DPP10: variants seen among roughly 807,000 people sequenced by gnomAD.
DPP10 encodes the protein inactive dipeptidyl peptidase 10.
Under a neutral mutation model 120.9 loss-of-function variants are expected in DPP10, and 33 were observed. The observed-to-expected ratio is 0.27, with a 90% CI of 0.21 to 0.37. The LOEUF (loss-of-function observed/expected upper bound fraction) is 0.37. DPP10 is among the 10% of genes least tolerant of loss of function. DPP10 has a pLI of 1.00. For missense variants in DPP10, 816 were observed against 942.8 expected, an observed-to-expected ratio of 0.87 and a Z score of 1.76; for synonymous variants, 337 against 326.1, an observed-to-expected ratio of 1.03 and a Z score of -0.36.
At chr2:114,724,578 G>A (rs865952400) in intron 1 of DPP10, among the ~76,000 whole-genome samples, 8 of 152,144 alleles carry the variant, frequency 5.3e-5, no homozygotes, top group Admixed American at 6.5e-5. Context: ...ACATGCACAA[G>A]GGGTAAACAT....
intron 7 of DPP10, among the ~76,000 whole-genome samples, chr2:115,713,401 A>G (rs551042617): frequency 6.6e-6 from 1 of 152,286 alleles, no homozygotes; most frequent in East Asian, 1.9e-4. Flanking sequence ...GGATTATTGA[A>G]CATTATTATG....
At chr2:114,492,362 A>G (rs1682080722) in intron 1 of DPP10, among the ~76,000 whole-genome samples, 1 of 152,130 alleles carries the variant, frequency 6.6e-6, no homozygotes, top group Admixed American at 6.5e-5. Flanking sequence ...CATTAAGGTT[A>G]GGTTATCAAT....
chr2:114,624,422 A>C (rs1189680740), intron 1 of DPP10, among the ~76,000 whole-genome samples: 1 of 151,988 alleles, frequency 6.6e-6, no homozygotes, highest in Non-Finnish European at 1.5e-5. Flanking sequence ...AATTAGTTTT[A>C]AAGTTGCCCC....
At chr2:115,830,038 T>G (rs1330009710) in intron 21 of DPP10, among the ~76,000 whole-genome samples, 1 of 152,056 alleles carries the variant, frequency 6.6e-6, no homozygotes, top group Non-Finnish European at 1.5e-5. Flanking sequence ...AGAAGCAAAA[T>G]TTTATGGACA....
chr2:115,598,710 T>C (rs1395784758), intron 5 of DPP10, among the ~76,000 whole-genome samples: 1 of 151,782 alleles, frequency 6.6e-6, no homozygotes, highest in African/African-American at 2.4e-5. Context: ...AGGGCTTTTT[T>C]ATATTTACTC....
intron 3 of DPP10, among the ~76,000 whole-genome samples, chr2:115,449,232 T>G (rs1027076751): frequency 1.3e-5 from 2 of 152,124 alleles, no homozygotes; most frequent in Non-Finnish European, 2.9e-5. Context: ...GGAAAACATT[T>G]GATGCAAGAT....
intron 12 of DPP10, 78 bp downstream of exon 12, chr2:115,762,688 TA>T: frequency 6.5e-7 from 1 of 1,534,184 alleles, no homozygotes. Context: ...TAACTTTCTG[TA>T]AAAAGTATGA....
intron 5 of DPP10, among the ~76,000 whole-genome samples, chr2:115,680,355 T>C (rs1297753833): frequency 6.6e-6 from 1 of 152,014 alleles, no homozygotes; most frequent in African/African-American, 2.4e-5. Flanking sequence ...CAATTAAATG[T>C]GTTTTAAAGG....
intron 15 of DPP10, 59 bp from the exon 16 acceptor site, chr2:115,780,815 C>G: frequency 1.3e-6 from 2 of 1,484,168 alleles, no homozygotes; most frequent in Non-Finnish European, 9.2e-7. Flanking sequence ...ATGAACACCA[C>G]ACATTCAAGT....
chr2:114,667,361 G>A (rs1698003838), intron 1 of DPP10, among the ~76,000 whole-genome samples: 1 of 151,982 alleles, frequency 6.6e-6, no homozygotes, highest in Admixed American at 6.6e-5. Flanking sequence ...ATATTACTTT[G>A]TTGGTATCTT....
chr2:114,796,444 GCTTA>G (rs541465595), intron 1 of DPP10, among the ~76,000 whole-genome samples: 6 of 151,520 alleles, frequency 4.0e-5, no homozygotes, highest in South Asian at 2.1e-4. Context: ...CTTTTCCCTT[GCTTA>G]CTTTATTGTA....
chr2:114,947,558 A>G (rs964252644), intron 1 of DPP10, among the ~76,000 whole-genome samples: 5 of 152,002 alleles, frequency 3.3e-5, no homozygotes, highest in African/African-American at 1.2e-4. Context: ...CTCATTCCAA[A>G]ACAAGATTTG....
intron 3 of DPP10, among the ~76,000 whole-genome samples, chr2:115,417,033 G>A (rs1287332546): frequency 6.6e-6 from 1 of 151,908 alleles, no homozygotes; most frequent in Non-Finnish European, 1.5e-5. Flanking sequence ...TCATATATAG[G>A]GAGTCAAATT....
At chr2:115,706,481 A>G (rs1488011098) in intron 7 of DPP10, among the ~76,000 whole-genome samples, 1 of 151,920 alleles carries the variant, frequency 6.6e-6, no homozygotes, top group Non-Finnish European at 1.5e-5. Context: ...GTCATGCATA[A>G]TCTAATATAC....
intron 1 of DPP10, among the ~76,000 whole-genome samples, chr2:114,571,219 G>A (rs1689618212): frequency 6.6e-6 from 1 of 152,116 alleles, no homozygotes; most frequent in South Asian, 2.1e-4. Context: ...TAATGGGTTA[G>A]CACCATCCTC....
At chr2:115,464,439 C>CA (rs1167348559) in intron 3 of DPP10, among the ~76,000 whole-genome samples, 6 of 150,934 alleles carry the variant, frequency 4.0e-5, no homozygotes, top group Non-Finnish European at 7.4e-5. Context: ...AACAAACAAA[C>CA]AAAAAAAACA....
chr2:115,566,950 A>G (rs373827704), intron 5 of DPP10, among the ~76,000 whole-genome samples: 30 of 152,226 alleles, frequency 2.0e-4, no homozygotes, highest in Admixed American at 1.6e-3. Context: ...CCTGGATTCC[A>G]TTACCCATAA....
intron 5 of DPP10, among the ~76,000 whole-genome samples, chr2:115,643,540 GTC>G (rs2086965021): frequency 6.6e-6 from 1 of 152,184 alleles, no homozygotes. Context: ...AAGGTTAGGT[GTC>G]TAACAGAACA....
intron 1 of DPP10, among the ~76,000 whole-genome samples, chr2:114,518,197 C>A (rs1020709486): frequency 1.4e-5 from 2 of 147,714 alleles, no homozygotes; most frequent in African/African-American, 5.0e-5. Flanking sequence ...CCTGCCTCAA[C>A]ATCCTGAATA....
Sources: allele counts gnomAD v4.1 joint callset (sites outside exome capture counted in the v4.1 genomes callset), GRCh38; gene constraint gnomAD v4.1.1; transcripts MANE v1.5; gene names NCBI Gene and HGNC (gene_info 2026-07-23, HGNC 2026-07-21).